DIS3: variants seen among roughly 807,000 people sequenced by gnomAD.
DIS3 encodes exosome complex exonuclease RRP44.
Under a neutral mutation model 113.0 loss-of-function variants are expected in DIS3, and 103 were observed. The ratio of observed to expected loss-of-function variants is 0.91; its 90% CI spans 0.78 to 1.07. DIS3 has a LOEUF of 1.07. DIS3 is among the 50% of genes least tolerant of loss of function. The probability of loss-of-function intolerance (pLI) is 0.00; values close to 1 mark genes in which losing one functional copy is unlikely to be tolerated. For missense variants in DIS3, 1,121 were observed against 1,167.1 expected, an observed-to-expected ratio of 0.96 and a Z score of 0.58; for synonymous variants, 402 against 394.3, an observed-to-expected ratio of 1.02 and a Z score of -0.23.
chr13:72,760,155 C>T (rs1225522724), intron 20 of DIS3, among the ~76,000 whole-genome samples: 2 of 152,158 alleles, frequency 1.3e-5, no homozygotes, highest in South Asian at 4.1e-4. Context: ...TGGGGAGCCA[C>T]TGTGATTGAC....
rs775329942 is a variant in DIS3 at position 72,759,242 on chromosome 13, TCA to T, written c.*551_*552del. The T allele has an allele frequency of 2.5e-5, 5 of 199,908 alleles. No individual in the cohort carries two copies. The highest frequency in any genetic ancestry group is 3.8e-4 in the South Asian group (2 of 5,260). The allele number at this position is 199,908 out of a possible 1,614,324, so 12.4% of individuals were successfully genotyped here. On this transcript the variant is annotated 3_prime_UTR_variant, in exon 21 of 21. Coordinates refer to ENST00000377767, the MANE Select transcript of DIS3 (RefSeq NM_014953.5). The stretch of plus-strand genomic sequence containing the variant: ...TGCCTTTCTACCAATTCCCAAACAT[TCA>T]CAGTTTTTCAAGGACCACTAATAAA...
chr13:72,764,172 CA>C (rs1486328015), intron 15 of DIS3, among the ~76,000 whole-genome samples: 1 of 151,912 alleles, frequency 6.6e-6, no homozygotes, highest in Non-Finnish European at 1.5e-5. Context: ...AACAAAATTG[CA>C]CTCAAAAACA....
rs1382386334 is a variant in DIS3 at position 72,761,710 on chromosome 13, T to C, written c.2447A>G (p.Asn816Ser). Residue 816 changes from asparagine to serine, a missense_variant, in exon 18 of 21, where the codon AAT becomes AGT. By Grantham distance (46) the Asn-to-Ser change is conservative. Transcript: ENST00000377767. ...AGCCATTTTGTGCCGGAAATTTAGA[T>C]TTTTACATATATCTGCAAGCTTGTG... ...DKHKLADICK[N>S]LNFRHKMAQY... The C allele has an allele frequency of 1.2e-6, 2 of 1,613,660 alleles. No homozygotes were observed. The highest frequency in any genetic ancestry group is 2.2e-5 in the East Asian group (1 of 44,860).
Position 72,773,431 on chromosome 13 carries a change from C to A in DIS3, c.1239+253G>T, listed in dbSNP as rs547923287. On this transcript the variant is annotated intron_variant, in intron 8 of 20. Transcript: ENST00000377767. ...GGGCCGAAATCACAGAACTGCACTC[C>A]AGCCGGGGCAACAGGGTGAGACTCT... 1.3e-5 allele frequency among the ~76,000 whole-genome samples: 2 copies of A among 152,268 alleles called. 1 individual carries two copies. The highest frequency in any genetic ancestry group is 4.2e-4 in the South Asian group (2 of 4,818).
intron 1 of DIS3, 137 bp downstream of exon 1, chr13:72,781,468 G>A (rs1296918670): frequency 1.4e-6 from 2 of 1,443,824 alleles, no homozygotes; most frequent in East Asian, 2.5e-5. Context: ...GGAACAGGAA[G>A]CTTCGGTCCC....
Position 72,758,143 on chromosome 13 carries a change from T to C in DIS3, c.*1652A>G, listed in dbSNP as rs1218321910. On this transcript the variant is annotated 3_prime_UTR_variant, in exon 21 of 21. Transcript: ENST00000377767. ...TTACTGTACCTTTTCTATGTTTAGA[T>C]ATGTTTAGATACACAAATACTTAGC... The C allele has an allele frequency of 5.5e-6, 1 of 180,212 alleles. No homozygotes were observed. The highest frequency in any genetic ancestry group is 9.2e-5 in the East Asian group (1 of 10,902). 11.2% of individuals were successfully genotyped at this position (180,212 alleles called of 1,614,324 possible).
Position 72,755,523 on chromosome 13 carries a change from T to TA in DIS3, c.*4271dup. ...TATCTTACAGGGTCAATGAACTACT[T>TA]ATTAAGCCTTACTGGTAGCACTGAA... On this transcript the variant is annotated 3_prime_UTR_variant, in exon 21 of 21. Transcript: ENST00000377767. The TA allele has an allele frequency of 2.7e-6, 1 of 371,940 alleles. No homozygotes were observed. Among genetic ancestry groups the TA allele is most frequent in the Non-Finnish European group, 4.8e-6 (1 of 209,804 alleles). 23.0% of individuals were successfully genotyped at this position (371,940 alleles called of 1,614,324 possible).
intron 9 of DIS3, 98 bp downstream of exon 9, chr13:72,772,595 C>T (rs1160911324): frequency 3.9e-6 from 5 of 1,274,900 alleles, no homozygotes; most frequent in East Asian, 2.5e-5. Context: ...AAAAGAGGGC[C>T]CGTGGTGTCT....
intron 2 of DIS3, among the ~76,000 whole-genome samples, chr13:72,780,629 G>A (rs1487852249): frequency 6.6e-6 from 1 of 152,146 alleles, no homozygotes; most frequent in Non-Finnish European, 1.5e-5. Flanking sequence ...TAGTCTAGGA[G>A]TCAGCAGACC....
chr13:72,762,276 C>T, intron 16 of DIS3, 139 bp from the exon 17 acceptor site: 1 of 755,688 alleles, frequency 1.3e-6, no homozygotes, highest in Non-Finnish European at 2.1e-6. Flanking sequence ...GAAGTAGTAG[C>T]CAGAAACAAA....
intron 13 of DIS3, among the ~76,000 whole-genome samples, chr13:72,770,246 T>G (rs933384547): frequency 6.6e-6 from 1 of 152,158 alleles, no homozygotes; most frequent in East Asian, 1.9e-4. Context: ...ATGAACTAAT[T>G]TCTGAATCAC....
At chr13:72,774,674 A>C (rs1378273729) in intron 6 of DIS3, among the ~76,000 whole-genome samples, 1 of 152,156 alleles carries the variant, frequency 6.6e-6, no homozygotes, top group Non-Finnish European at 1.5e-5. Flanking sequence ...CATGCATTCC[A>C]ACTATTTATA....
In DIS3 at chr13:72,755,077, A is replaced by T. The variant is rs2033413173; in HGVS notation, c.*4718T>A. On this transcript the variant is annotated 3_prime_UTR_variant, in exon 21 of 21. Coordinates refer to ENST00000377767, the MANE Select transcript of DIS3 (RefSeq NM_014953.5). ...AAAGAAACGTGCTTTTAGGTTTTAAAAACAGTCCCGATAATTGCATCCTCC... is the reference window on the plus strand; with the variant it reads ...AAAGAAACGTGCTTTTAGGTTTTAATAACAGTCCCGATAATTGCATCCTCC... 7.6e-7 allele frequency: 1 copy of T among 1,308,960 alleles called. No individual in the cohort carries two copies. The highest frequency in any genetic ancestry group is 1.2e-5 in the South Asian group (1 of 83,424). The allele number at this position is 1,308,960 out of a possible 1,614,324, so 81.1% of individuals were successfully genotyped here.
At chr13:72,775,457 A>T in intron 5 of DIS3, 82 bp from the exon 6 acceptor site, 2 of 1,403,752 alleles carry the variant, frequency 1.4e-6, no homozygotes, top group Non-Finnish European at 1.9e-6. Flanking sequence ...ACAGATATTT[A>T]CATACACTCT....
At chr13:72,781,291 G>C (rs2034205109) in intron 1 of DIS3, 2 of 1,551,212 alleles carry the variant, frequency 1.3e-6, no homozygotes, top group Admixed American at 2.0e-5. Context: ...GCACTTACAA[G>C]CTGCCTGGGA....
chr13:72,765,777 T>C (rs550212564), intron 15 of DIS3, among the ~76,000 whole-genome samples, 195 bp downstream of exon 15: 1 of 152,260 alleles, frequency 6.6e-6, no homozygotes, highest in African/African-American at 2.4e-5. Context: ...TTTTCTATTA[T>C]GCGACTAAAC....
intron 13 of DIS3, 36 bp downstream of exon 13, chr13:72,770,868 G>C (rs758048605): frequency 6.8e-7 from 1 of 1,477,254 alleles, no homozygotes; most frequent in South Asian, 1.4e-5. Context: ...GTACCAAAAA[G>C]TTTAAAAATT....
chr13:72,768,037 T>C (rs895844400), intron 14 of DIS3, among the ~76,000 whole-genome samples: 1 of 152,226 alleles, frequency 6.6e-6, no homozygotes, highest in Non-Finnish European at 1.5e-5. Context: ...GATCTGTTAC[T>C]AGTCAGATCT....
At chr13:72,772,321 A>G in intron 9 of DIS3, 46 bp from the exon 10 acceptor site, 1 of 1,383,650 alleles carries the variant, frequency 7.2e-7, no homozygotes, top group Non-Finnish European at 1.0e-6. Context: ...TCCAAAGCAC[A>G]ACTACAACAT....
Sources: gnomAD v4.1 joint callset for allele counts (sites outside exome capture counted in the v4.1 genomes callset) on GRCh38, gnomAD v4.1.1 for gene constraint, MANE v1.5 for transcripts, NCBI Gene and HGNC (gene_info 2026-07-23, HGNC 2026-07-21) for gene names.